Variants in TRPM6 observed in about 807,000 individuals in gnomAD.
The protein encoded by TRPM6 is channel kinase 2.
TRPM6 carries 111 observed loss-of-function variants against 247.6 expected under a neutral mutation model. The ratio of observed to expected loss-of-function variants is 0.45; its 90% CI spans 0.38 to 0.52. The LOEUF (loss-of-function observed/expected upper bound fraction) is 0.52, where lower values mean the gene tolerates loss of function less well. Among genes scored for constraint, TRPM6 ranks in the 20% least tolerant of loss-of-function variants. TRPM6 has a pLI of 0.00. For synonymous variants in TRPM6, 892 were observed against 853.8 expected (o/e 1.04, Z -0.78); for missense variants, 2,126 against 2,421.5 (o/e 0.88, Z 2.56).
chr9:74,751,410 A>T (rs541246317), intron 29 of TRPM6, among the ~76,000 whole-genome samples: 2 of 152,198 alleles, frequency 1.3e-5, no homozygotes, highest in South Asian at 4.1e-4. Flanking sequence ...CAGAGCCAGA[A>T]TTTGAACACA....
chr9:74,863,606 G>A (rs929004071), intron 1 of TRPM6, among the ~76,000 whole-genome samples: 1 of 151,914 alleles, frequency 6.6e-6, no homozygotes, highest in African/African-American at 2.4e-5. Context: ...TTTTGAGACG[G>A]AGTCTCGCTC....
chr9:74,846,530 G>A lies in TRPM6; in HGVS notation c.153-4187C>T, dbSNP rs189828859. Reference sequence around the variant, plus strand: ...AAAAACTGAAAACATTTTTCTTATCGATATTTTAGAATTTTTTTTCTTTTT... The same window carrying A: ...AAAAACTGAAAACATTTTTCTTATCAATATTTTAGAATTTTTTTTCTTTTT... On this transcript the variant is annotated intron_variant, in intron 3 of 38. Coordinates refer to ENST00000360774, the MANE Select transcript of TRPM6 (RefSeq NM_017662.5). Among the ~76,000 whole-genome samples, 57 of 152,066 alleles carry A rather than the reference G, an allele frequency of 3.7e-4. 1 individual carries two copies. In the South Asian group the frequency reaches 6.2e-3, roughly 17 times the overall value.
At chr9:74,729,866 A>G (rs1235276238) in intron 37 of TRPM6, among the ~76,000 whole-genome samples, 1 of 152,210 alleles carries the variant, frequency 6.6e-6, no homozygotes, top group African/African-American at 2.4e-5. Flanking sequence ...TCCTCCCAGT[A>G]AAACATAAAA....
At chr9:74,757,393 C>T (rs1826463660) in intron 27 of TRPM6, among the ~76,000 whole-genome samples, 1 of 150,420 alleles carries the variant, frequency 6.6e-6, no homozygotes, top group South Asian at 2.1e-4. Flanking sequence ...TGTCGAAAAC[C>T]TGTCTCTACT....
Position 74,821,786 on chromosome 9 carries a change from T to C in TRPM6, c.893A>G (p.Asn298Ser), listed in dbSNP as rs377222810. 6.2e-7 allele frequency: 1 copy of C among 1,614,178 alleles called. No homozygotes were observed. ...AGTCTCCCACACTGACAGGATGACG[T>C]TGGGACCGCCTTCCACCACCAGCCC... Reference protein sequence around the residue: ...VVGLVVEGGPNVILSVWETVK... With the variant: ...VVGLVVEGGPSVILSVWETVK... Residue 298 changes from asparagine to serine, a missense_variant, in exon 8 of 39, where the codon AAC (asparagine) becomes AGC (serine). Coordinates refer to ENST00000360774, the MANE Select transcript of TRPM6 (RefSeq NM_017662.5).
At chr9:74,732,327 T>A (rs1201912649) in intron 37 of TRPM6, among the ~76,000 whole-genome samples, 1 of 152,204 alleles carries the variant, frequency 6.6e-6, no homozygotes, top group African/African-American at 2.4e-5. Flanking sequence ...AATGACTCCA[T>A]TGTGAAGACA....
chr9:74,736,048 C>T (rs1825683785), intron 36 of TRPM6, among the ~76,000 whole-genome samples: 1 of 152,200 alleles, frequency 6.6e-6, no homozygotes, highest in South Asian at 2.1e-4. Flanking sequence ...GGGCGGACTC[C>T]CTGCAACTGC....
intron 13 of TRPM6, 100 bp from the exon 14 acceptor site, chr9:74,808,274 G>C: frequency 7.1e-7 from 1 of 1,417,270 alleles, no homozygotes; most frequent in African/African-American, 1.4e-5. Flanking sequence ...CAAGAAGGTA[G>C]ACATACCTTT....
At chr9:74,808,939 G>T (rs17060538) in intron 13 of TRPM6, among the ~76,000 whole-genome samples, 1 of 151,952 alleles carries the variant, frequency 6.6e-6, no homozygotes, top group Non-Finnish European at 1.5e-5. Flanking sequence ...AATCCACTTT[G>T]CCTATGGTCC....
intron 19 of TRPM6, among the ~76,000 whole-genome samples, chr9:74,791,761 T>G (rs1051323353): frequency 1.3e-5 from 2 of 152,088 alleles, no homozygotes; most frequent in African/African-American, 4.8e-5. Context: ...CAATTGCTGA[T>G]TTTCTTTTTT....
intron 20 of TRPM6, among the ~76,000 whole-genome samples, chr9:74,788,169 G>A (rs1827765939): frequency 6.6e-6 from 1 of 151,996 alleles, no homozygotes; most frequent in Admixed American, 6.6e-5. Context: ...ATATTCCTTA[G>A]ATATTGCACA....
At chr9:74,807,356 T>C (rs1460801157) in intron 14 of TRPM6, among the ~76,000 whole-genome samples, 1 of 152,182 alleles carries the variant, frequency 6.6e-6, no homozygotes, top group Non-Finnish European at 1.5e-5. Context: ...CCTTCTCTTC[T>C]CTCAACAAAA....
chr9:74,790,285 A>T (rs1827857179), intron 19 of TRPM6, among the ~76,000 whole-genome samples: 1 of 152,196 alleles, frequency 6.6e-6, no homozygotes, highest in African/African-American at 2.4e-5. Flanking sequence ...AAGTAAAGGT[A>T]AATTTCAATA....
At chr9:74,763,873 G>A (rs1024636026) in intron 25 of TRPM6, among the ~76,000 whole-genome samples, 78 of 152,272 alleles carry the variant, frequency 5.1e-4, no homozygotes, top group African/African-American at 1.7e-3. Context: ...GTAACAATTA[G>A]TCCAAGTGCA....
intron 11 of TRPM6, among the ~76,000 whole-genome samples, chr9:74,813,424 C>A (rs1449195484): frequency 6.6e-6 from 1 of 152,196 alleles, no homozygotes; most frequent in Non-Finnish European, 1.5e-5. Flanking sequence ...CATGCTGAAT[C>A]CCTAATGTTG....
intron 13 of TRPM6, among the ~76,000 whole-genome samples, chr9:74,810,038 C>G (rs1017086262): frequency 6.6e-6 from 1 of 150,728 alleles, no homozygotes; most frequent in African/African-American, 2.4e-5. Flanking sequence ...GGCTCTCTCT[C>G]CACGTCAACA....
intron 2 of TRPM6, chr9:74,857,856 G>C (rs1226158430): frequency 6.6e-6 from 1 of 152,090 alleles, no homozygotes; most frequent in African/African-American, 2.4e-5. Flanking sequence ...AAATATACCA[G>C]TCACTATTTT....
At chr9:74,863,588 G>A (rs1372247924) in intron 1 of TRPM6, among the ~76,000 whole-genome samples, 2 of 151,608 alleles carry the variant, frequency 1.3e-5, no homozygotes, top group Non-Finnish European at 2.9e-5. Context: ...TCAAAAAAGT[G>A]ACTTTTTTTT....
At chr9:74,830,760 T>G (rs894727165) in intron 6 of TRPM6, among the ~76,000 whole-genome samples, 13 of 139,050 alleles carry the variant, frequency 9.3e-5, no homozygotes, top group Non-Finnish European at 1.5e-4. Context: ...TTTTTTTTTT[T>G]TTTTTTTTTT....
Sources: gnomAD v4.1 joint callset for allele counts (sites outside exome capture counted in the v4.1 genomes callset) on GRCh38, gnomAD v4.1.1 for gene constraint, MANE v1.5 for transcripts, NCBI Gene and HGNC (gene_info 2026-07-23, HGNC 2026-07-21) for gene names.